Variants in DR1 observed in about 807,000 individuals in gnomAD.
The protein encoded by DR1 is protein Dr1.
Under a neutral mutation model 19.9 loss-of-function variants are expected in DR1, and 7 were observed. The ratio of observed to expected loss-of-function variants is 0.35; its 90% CI spans 0.20 to 0.66. The LOEUF is 0.66. Ranked by LOEUF, DR1 falls within the 30% of genes least tolerant of loss-of-function variation. DR1 has a pLI of 0.66. For missense variants in DR1, 98 were observed against 203.7 expected (o/e 0.48, Z 3.16); for synonymous variants, 76 against 72.5 (o/e 1.05, Z -0.24).
At chr1:93,355,047 G>T (rs1666962473) in intron 2 of DR1, 1 of 152,102 alleles carries the variant, frequency 6.6e-6, no homozygotes. Context: ...TAATTCATAT[G>T]AATATGAGGT....
chr1:93,359,453 G>A (rs779203777), intron 2 of DR1, among the ~76,000 whole-genome samples: 7 of 152,160 alleles, frequency 4.6e-5, no homozygotes, highest in Non-Finnish European at 8.8e-5. Context: ...GGGAATTATG[G>A]TATATTAAAT....
intron 1 of DR1, among the ~76,000 whole-genome samples, chr1:93,353,090 T>TG (rs1666936138): frequency 1.3e-5 from 2 of 152,048 alleles, no homozygotes; most frequent in East Asian, 3.9e-4. Context: ...AGACGAGGTC[T>TG]TGCCATGTTG....
intron 2 of DR1, chr1:93,355,488 A>G (rs1666969043): frequency 6.6e-6 from 1 of 152,220 alleles, no homozygotes; most frequent in Non-Finnish European, 1.5e-5. Context: ...ATTTAAACTT[A>G]GGTATTTTGA....
rs1227155670 is a variant in DR1, at chr1:93,360,649, G to T, written c.*10G>T. On this transcript the variant is annotated 3_prime_UTR_variant, in exon 3 of 3. Coordinates refer to ENST00000370272, the MANE Select transcript of DR1 (RefSeq NM_001938.3). ...TGATGATGATATCTGAAATTCACCA[G>T]CTGAGTTTCTATTTCTTCTATAAAT... The T allele has an allele frequency of 6.3e-7, 1 of 1,577,638 alleles. No individual in the cohort carries two copies. Among genetic ancestry groups the T allele is most frequent in the African/African-American group, 1.4e-5 (1 of 72,124 alleles).
rs911352725 is a variant in DR1 at position 93,362,700 on chromosome 1, C to T, written c.*2061C>T. The T allele has an allele frequency of 6.6e-6, 1 of 151,446 alleles. No individual in the cohort carries two copies. Among genetic ancestry groups the T allele is most frequent in the African/African-American group, 2.4e-5 (1 of 41,254 alleles). 9.4% of individuals were successfully genotyped at this position (151,446 alleles called of 1,614,324 possible). On this transcript the variant is annotated 3_prime_UTR_variant, in exon 3 of 3. Coordinates refer to ENST00000370272, the MANE Select transcript of DR1 (RefSeq NM_001938.3). The stretch of plus-strand genomic sequence containing the variant: ...ATTTTGGTCATTTGGTATGTAGTAC[C>T]TGCCTTTTGTTTTTGTTTACTGTTA...
At chr1:93,354,504 T>G (rs981448831) in intron 2 of DR1, among the ~76,000 whole-genome samples, 3 of 152,206 alleles carry the variant, frequency 2.0e-5, no homozygotes, top group Non-Finnish European at 4.4e-5. Flanking sequence ...TAAAAAATAT[T>G]TTAAAGCTAG....
At position 93,366,286 on chromosome 1, in the gene DR1, TCAGTTCATC is replaced by T. The variant is rs1183770380; in HGVS notation, c.*5650_*5658del. ...GTATGTAAATACCGTATTTTGTTTA[TCAGTTCATC>T]CATTAATGGACACTGGGTTGCTTCT... On this transcript the variant is annotated 3_prime_UTR_variant, in exon 3 of 3. Transcript: ENST00000370272. 6.6e-6 allele frequency: 1 copy of T among 152,228 alleles called. No homozygotes were observed. Among genetic ancestry groups the T allele is most frequent in the Admixed American group, 6.5e-5 (1 of 15,282 alleles). The allele number at this position is 152,228 out of a possible 1,614,324, so 9.4% of individuals were successfully genotyped here.
rs1272590585 is a variant in DR1 at position 93,367,581 on chromosome 1, A to G, written c.*6942A>G. 1 of 152,218 alleles carries G rather than the reference A, an allele frequency of 6.6e-6. No individual in the cohort carries two copies. Among genetic ancestry groups the G allele is most frequent in the African/African-American group, 2.4e-5 (1 of 41,438 alleles). The allele number at this position is 152,218 out of a possible 1,614,324, so 9.4% of individuals were successfully genotyped here. A position where few individuals can be genotyped will look rare whatever the true frequency, so the allele number is the denominator to read the frequency against. ...CATACTGGGACCATTTAGCTGTACC[A>G]ATTCACCTAACGTGCATCTTTGGGA... On this transcript the variant is annotated 3_prime_UTR_variant, in exon 3 of 3. Coordinates refer to ENST00000370272, the MANE Select transcript of DR1 (RefSeq NM_001938.3).
At position 93,346,615 on chromosome 1, in the gene DR1, A is replaced by G; in HGVS notation, c.-31A>G. 1 of 1,601,782 alleles carries G rather than the reference A, an allele frequency of 6.2e-7. No homozygotes were observed. The highest frequency in any genetic ancestry group is 1.1e-5 in the South Asian group (1 of 90,698). On this transcript the variant is annotated 5_prime_UTR_variant, in exon 1 of 3. Coordinates refer to ENST00000370272, the MANE Select transcript of DR1 (RefSeq NM_001938.3). ...GTGGACCAGAGCTGGGGAGTTTTTAAAAGCCGGGGCGCGAGAAACAGGAAG... is the reference window on the plus strand; with the variant it reads ...GTGGACCAGAGCTGGGGAGTTTTTAGAAGCCGGGGCGCGAGAAACAGGAAG...
chr1:93,356,683 G>A (rs1666989882), intron 2 of DR1, among the ~76,000 whole-genome samples: 1 of 150,738 alleles, frequency 6.6e-6, no homozygotes. Flanking sequence ...TTGAATTTAT[G>A]TATTTGATTT....
At chr1:93,359,493 A>G (rs1228208015) in intron 2 of DR1, among the ~76,000 whole-genome samples, 1 of 152,234 alleles carries the variant, frequency 6.6e-6, no homozygotes, top group East Asian at 1.9e-4. Flanking sequence ...GGAAAGGTCA[A>G]GAAAGACTAG....
Position 93,362,710 on chromosome 1 carries a change from T to C in DR1, c.*2071T>C, listed in dbSNP as rs1015716169. The C allele has an allele frequency of 6.6e-6, 1 of 151,846 alleles. No individual in the cohort carries two copies. The highest frequency in any genetic ancestry group is 6.6e-5 in the Admixed American group (1 of 15,256). 9.4% of individuals were successfully genotyped at this position (151,846 alleles called of 1,614,324 possible). ...TTTGGTATGTAGTACCTGCCTTTTG[T>C]TTTTGTTTACTGTTATTTCAAAAAA... On this transcript the variant is annotated 3_prime_UTR_variant, in exon 3 of 3. Transcript: ENST00000370272.
chr1:93,361,201 C>A lies in DR1; in HGVS notation c.*562C>A, dbSNP rs977002052. The A allele has an allele frequency of 2.0e-5, 3 of 152,502 alleles. No homozygotes were observed. The highest frequency in any genetic ancestry group is 4.4e-5 in the Non-Finnish European group (3 of 67,966). 9.4% of individuals were successfully genotyped at this position (152,502 alleles called of 1,614,324 possible). A position where few individuals can be genotyped will look rare whatever the true frequency, so the allele number is the denominator to read the frequency against. ...TTGTTTAGAAAAACTTCAAGACATTCAAAAACTAGGAAGGAGTATGTTTAA... is the reference window on the plus strand; with the variant it reads ...TTGTTTAGAAAAACTTCAAGACATTAAAAAACTAGGAAGGAGTATGTTTAA... On this transcript the variant is annotated 3_prime_UTR_variant, in exon 3 of 3. Transcript: ENST00000370272.
intron 2 of DR1, chr1:93,355,853 A>T (rs1666974074): frequency 6.6e-6 from 1 of 152,204 alleles, no homozygotes; most frequent in African/African-American, 2.4e-5. Flanking sequence ...ATAAGTAAAT[A>T]TATCTTTTTT....
At chr1:93,354,570 A>T (rs1666956447) in intron 2 of DR1, among the ~76,000 whole-genome samples, 1 of 152,160 alleles carries the variant, frequency 6.6e-6, no homozygotes, top group Admixed American at 6.5e-5. Flanking sequence ...TAATATCTAG[A>T]CTCTGAAGGA....
intron 2 of DR1, among the ~76,000 whole-genome samples, chr1:93,358,692 A>G (rs1667021538): frequency 6.6e-6 from 1 of 152,144 alleles, no homozygotes; most frequent in Non-Finnish European, 1.5e-5. Context: ...CCTCAGTTTT[A>G]GGGTTGGTGG....
intron 1 of DR1, among the ~76,000 whole-genome samples, chr1:93,352,830 C>G (rs887123306): frequency 1.3e-4 from 19 of 151,578 alleles, no homozygotes; most frequent in African/African-American, 4.4e-4. Context: ...AATACTATGA[C>G]CCAAAAGGAA....
intron 2 of DR1, among the ~76,000 whole-genome samples, chr1:93,358,851 A>T (rs1263053136): frequency 6.6e-6 from 1 of 152,198 alleles, no homozygotes; most frequent in Non-Finnish European, 1.5e-5. Flanking sequence ...TCTCTTGATT[A>T]TACACTGACT....
At chr1:93,352,886 T>C (rs1570710281) in intron 1 of DR1, among the ~76,000 whole-genome samples, 2 of 124,874 alleles carry the variant, frequency 1.6e-5, no homozygotes, top group African/African-American at 5.6e-5. Flanking sequence ...ATTTAGGGTG[T>C]GTGAATTTTT....
Sources: gnomAD v4.1 joint callset for allele counts (sites outside exome capture counted in the v4.1 genomes callset) on GRCh38, gnomAD v4.1.1 for gene constraint, MANE v1.5 for transcripts, NCBI Gene and HGNC (gene_info 2026-07-23, HGNC 2026-07-21) for gene names.